Variants in VASP observed in about 807,000 individuals in gnomAD.
The protein encoded by VASP is vasodilator-stimulated phosphoprotein.
In VASP, 27 loss-of-function variants were observed where a neutral mutation model predicts 54.4. That is an observed-to-expected ratio of 0.50 (90% CI 0.37 to 0.68). VASP has a LOEUF of 0.68. VASP is among the 30% of genes least tolerant of loss of function. The pLI is 0.00. For missense variants in VASP, 488 were observed against 528.3 expected (o/e 0.92, Z 0.75); for synonymous variants, 233 against 209.8 (o/e 1.11, Z -0.96).
chr19:45,518,930 C>T (rs9749165), intron 3 of VASP, among the ~76,000 whole-genome samples: 1 of 152,146 alleles, frequency 6.6e-6, no homozygotes, highest in Admixed American at 6.5e-5. Flanking sequence ...CTCCCGGGTT[C>T]GCGTGATTCT....
chr19:45,508,067 G>A (rs1421569935), intron 1 of VASP, among the ~76,000 whole-genome samples: 10 of 152,044 alleles, frequency 6.6e-5, no homozygotes, highest in African/African-American at 2.2e-4. Context: ...GGACCTCAAA[G>A]TTGGCAGCGA....
chr19:45,525,701 A>G (rs574152621), intron 11 of VASP: 225 of 407,442 alleles, frequency 5.5e-4, no homozygotes, highest in African/African-American at 4.2e-3. Flanking sequence ...GTTTCAAAAA[A>G]AAAAAGAAAA....
rs541331441 is a variant in VASP at position 45,526,294 on chromosome 19, C to G, written c.*117C>G. On this transcript the variant is annotated 3_prime_UTR_variant, in exon 13 of 13. Transcript: ENST00000245932. The stretch of plus-strand genomic sequence containing the variant: ...AGACTACACAGGAATGCATCGTTCC[C>G]ACTCCCCATCCCACTTGGAAAACTC... 556 of 1,248,508 alleles carry G rather than the reference C, an allele frequency of 4.5e-4. 9 individuals carry two copies. In the South Asian group the frequency reaches 8.2e-3, roughly 18 times the overall value. 77.3% of individuals were successfully genotyped at this position (1,248,508 alleles called of 1,614,324 possible).
intron 1 of VASP, among the ~76,000 whole-genome samples, chr19:45,516,398 C>T (rs572352095): frequency 6.6e-5 from 10 of 152,350 alleles, no homozygotes; most frequent in African/African-American, 2.4e-4. Flanking sequence ...TGGGATGGGT[C>T]CCCAACCTGC....
At chr19:45,521,592 T>C (rs548483071) in intron 4 of VASP, among the ~76,000 whole-genome samples, 186 bp downstream of exon 4, 1 of 152,280 alleles carries the variant, frequency 6.6e-6, no homozygotes, top group East Asian at 1.9e-4. Context: ...AATATGGTGG[T>C]TGAAAGAATC....
chr19:45,525,802 G>A (rs907417029), intron 11 of VASP, 144 bp from the exon 12 acceptor site: 28 of 734,112 alleles, frequency 3.8e-5, no homozygotes, highest in Non-Finnish European at 6.0e-5. Context: ...CTGGGAAGTT[G>A]AGGCTGCAAT....
At position 45,526,551 on chromosome 19, in the gene VASP, A is replaced by T. The variant is rs565883559; in HGVS notation, c.*374A>T. On this transcript the variant is annotated 3_prime_UTR_variant, in exon 13 of 13. Transcript: ENST00000245932. ...ATGCCTTCAAAGTTTTGGTTTTTTTAAGAAAAAAAAATATATATATATTTG... is the reference window on the plus strand; with the variant it reads ...ATGCCTTCAAAGTTTTGGTTTTTTTTAGAAAAAAAAATATATATATATTTG... 3.7e-3 allele frequency: 607 copies of T among 164,166 alleles called. 5 individuals carry two copies. Among genetic ancestry groups the T allele is most frequent in the African/African-American group, 0.013 (541 of 41,858 alleles). 10.2% of individuals were successfully genotyped at this position (164,166 alleles called of 1,614,324 possible). A position where few individuals can be genotyped will look rare whatever the true frequency, so the allele number is the denominator to read the frequency against.
intron 1 of VASP, among the ~76,000 whole-genome samples, chr19:45,514,580 G>T (rs948679679): frequency 2.0e-5 from 3 of 152,162 alleles, no homozygotes; most frequent in African/African-American, 7.2e-5. Context: ...CCTGGAGAGG[G>T]GCAAGACCAC....
In VASP at chr19:45,507,520, T is replaced by C. The variant is rs1010307395; in HGVS notation, c.-252T>C. On this transcript the variant is annotated 5_prime_UTR_variant, in exon 1 of 13. Coordinates refer to ENST00000245932, the MANE Select transcript of VASP (RefSeq NM_003370.4). The surrounding 1 kb of genome is among the most constrained non-coding windows in gnomAD (Gnocchi z 4.4). ...CACTGTAGCCGCCACCGGCAAGGGG[T>C]GCGCGCTGGGGAGCGGACGCTGCAT... 1 of 501,978 alleles carries C rather than the reference T, an allele frequency of 2.0e-6. No homozygotes were observed. Among genetic ancestry groups the C allele is most frequent in the Non-Finnish European group, 3.5e-6 (1 of 284,832 alleles). 31.1% of individuals were successfully genotyped at this position (501,978 alleles called of 1,614,324 possible). A position where few individuals can be genotyped will look rare whatever the true frequency, so the allele number is the denominator to read the frequency against.
At chr19:45,513,022 A>G (rs1599929687) in intron 1 of VASP, among the ~76,000 whole-genome samples, 1 of 152,194 alleles carries the variant, frequency 6.6e-6, no homozygotes, top group South Asian at 2.1e-4. Context: ...CTTCGTTTCA[A>G]CTATGAGCCC....
chr19:45,522,723 G>A lies in VASP; in HGVS notation c.726G>A (p.Glu242=). Residue 242 remains glutamate, a synonymous_variant, in exon 7 of 13, where the codon GAG becomes GAA. Transcript: ENST00000245932. The stretch of plus-strand genomic sequence containing the variant: ...CCCCTTTTAAATTTCTCCAGCAGGA[G>A]GAGGCCTCAGGGGGGCCCACAGCCC... ...GAKLRKVSKQ[E]EASGGPTAPK... The A allele has an allele frequency of 1.9e-6, 3 of 1,604,090 alleles. No homozygotes were observed. The highest frequency in any genetic ancestry group is 2.2e-5 in the South Asian group (2 of 89,914).
At chr19:45,520,051 A>C (rs899409293) in intron 3 of VASP, among the ~76,000 whole-genome samples, 68 of 151,134 alleles carry the variant, frequency 4.5e-4, no homozygotes, top group African/African-American at 1.6e-3. Context: ...ATAGGTGTGC[A>C]CCAACATGCC....
intron 1 of VASP, among the ~76,000 whole-genome samples, chr19:45,512,602 GTTTGTT>G (rs1968622128): frequency 6.9e-6 from 1 of 145,074 alleles, no homozygotes; most frequent in Non-Finnish European, 1.5e-5. Flanking sequence ...TTTTTTGTTT[GTTTGTT>G]TTTGTTTTTG....
chr19:45,516,936 T>C (rs1460199509), intron 1 of VASP, among the ~76,000 whole-genome samples: 1 of 112,592 alleles, frequency 8.9e-6, no homozygotes, highest in South Asian at 3.2e-4. Context: ...GAGGCAGAGG[T>C]TGCGGTGAGC....
chr19:45,522,316 C>A lies in VASP; in HGVS notation c.479-24C>A. ...GAATGAGGCTTCTCTCTCTCAGCTG[C>A]CCCCTTTTCTGTGTTTGTTTCAGGA... On this transcript the variant is annotated intron_variant, in intron 5 of 12. Coordinates refer to ENST00000245932, the MANE Select transcript of VASP (RefSeq NM_003370.4). The A allele has an allele frequency of 2.5e-6, 4 of 1,612,342 alleles. 1 individual carries two copies. In the South Asian group the frequency reaches 4.4e-5, roughly 18 times the overall value.
intron 8 of VASP, 31 bp from the exon 9 acceptor site, chr19:45,523,810 G>A (rs771799843): frequency 1.9e-6 from 3 of 1,614,052 alleles, no homozygotes; most frequent in East Asian, 2.2e-5. Flanking sequence ...TGTGGCAGGG[G>A]CTGGCTCATG....
intron 1 of VASP, among the ~76,000 whole-genome samples, chr19:45,511,489 C>T (rs1211546203): frequency 2.0e-5 from 3 of 152,088 alleles, no homozygotes; most frequent in Non-Finnish European, 1.5e-5. Flanking sequence ...TCTTTTCATC[C>T]GCCATGTGCT....
chr19:45,522,127 A>G (rs1356247769), intron 4 of VASP, 41 bp from the exon 5 acceptor site: 1 of 1,611,518 alleles, frequency 6.2e-7, no homozygotes, highest in South Asian at 1.1e-5. Context: ...GGCCATCCTT[A>G]GGGCCCTGAT....
chr19:45,510,790 G>A (rs1339221679), intron 1 of VASP, among the ~76,000 whole-genome samples: 7 of 152,078 alleles, frequency 4.6e-5, no homozygotes, highest in Admixed American at 4.6e-4. Context: ...AAAATTAGCT[G>A]GGTGTGGTGG....
Sources: allele counts gnomAD v4.1 joint callset (sites outside exome capture counted in the v4.1 genomes callset), GRCh38; gene constraint gnomAD v4.1.1; non-coding constraint Gnocchi (gnomAD v3.1); transcripts MANE v1.5; gene names NCBI Gene and HGNC (gene_info 2026-07-23, HGNC 2026-07-21).